The following ACSL1 variants were observed in gnomAD, a reference collection of about 807,000 sequenced individuals.
ACSL1 encodes acyl-CoA synthetase long chain family member 1.
Under a neutral mutation model 98.4 loss-of-function variants are expected in ACSL1, and 41 were observed. The observed-to-expected ratio is 0.42, with a 90% CI of 0.32 to 0.54. The LOEUF (loss-of-function observed/expected upper bound fraction) is 0.54. Ranked by LOEUF, ACSL1 falls within the 20% of genes least tolerant of loss-of-function variation. The pLI is 0.13. For synonymous variants in ACSL1, 316 were observed against 322.7 expected (o/e 0.98, Z 0.22); for missense variants, 734 against 883.1 (o/e 0.83, Z 2.14).
chr4:184,824,553 G>A (rs938336361), intron 1 of ACSL1, among the ~76,000 whole-genome samples: 14 of 152,160 alleles, frequency 9.2e-5, no homozygotes, highest in African/African-American at 3.1e-4. Context: ...GCAGAATTTG[G>A]ACTCGTGAAA....
Position 184,766,420 on chromosome 4 carries a change from A to T in ACSL1, c.1263+202T>A, listed in dbSNP as rs1436875200. 6.6e-6 allele frequency among the ~76,000 whole-genome samples: 1 copy of T among 152,226 alleles called. No individual in the cohort carries two copies. On this transcript the variant is annotated intron_variant, in intron 13 of 20. Coordinates refer to ENST00000281455, the MANE Select transcript of ACSL1 (RefSeq NM_001995.5). The surrounding 1 kb of genome is among the most constrained non-coding windows in gnomAD (Gnocchi z 4.8). ...CACTACCCTGACTCCTTTTCCCCCT[A>T]GATGGCTGCAATACTATTGATCTTA...
intron 1 of ACSL1, chr4:184,805,394 C>T (rs4862423): frequency 0.39 from 308,295 of 797,154 alleles, 59,101 homozygotes; most frequent in East Asian, 0.63. Context: ...AGTGTACTCA[C>T]TCACACACAC....
At chr4:184,807,254 TC>T (rs1177922328) in intron 1 of ACSL1, among the ~76,000 whole-genome samples, 1 of 152,240 alleles carries the variant, frequency 6.6e-6, no homozygotes, top group Admixed American at 6.5e-5. Context: ...TCTTTCAAAA[TC>T]AAATTTCCAT....
intron 2 of ACSL1, among the ~76,000 whole-genome samples, chr4:184,793,885 C>G (rs1768869321): frequency 6.6e-6 from 1 of 152,174 alleles, no homozygotes; most frequent in Non-Finnish European, 1.5e-5. Flanking sequence ...ATACCCAAAT[C>G]CAGATGCTCA....
At chr4:184,768,047 T>G (rs969902270) in intron 12 of ACSL1, 3 of 477,686 alleles carry the variant, frequency 6.3e-6, no homozygotes, top group African/African-American at 6.1e-5. Context: ...CTCAAAGTGT[T>G]TATTGTAAAA....
chr4:184,784,213 G>C (rs747837375), intron 3 of ACSL1, among the ~76,000 whole-genome samples: 2 of 152,106 alleles, frequency 1.3e-5, no homozygotes, highest in African/African-American at 4.8e-5. Flanking sequence ...GGGCAGGAGA[G>C]GGGGACAGAG....
intron 5 of ACSL1, among the ~76,000 whole-genome samples, chr4:184,780,038 AATTTTGT>A (rs1375961987): frequency 6.6e-6 from 1 of 151,946 alleles, no homozygotes; most frequent in Non-Finnish European, 1.5e-5. Context: ...AGGCCTGGCT[AATTTTGT>A]ATTTTTAGTA....
At chr4:184,805,619 G>T in intron 1 of ACSL1, 1 of 578,922 alleles carries the variant, frequency 1.7e-6, no homozygotes, top group Non-Finnish European at 2.2e-6. Context: ...GGTTAGCAGG[G>T]CTCAGCTGCG....
At chr4:184,820,021 C>A (rs1772934866) in intron 1 of ACSL1, among the ~76,000 whole-genome samples, 1 of 152,004 alleles carries the variant, frequency 6.6e-6, no homozygotes, top group Non-Finnish European at 1.5e-5. Context: ...ATACCGACGT[C>A]CAGCCATTCT....
chr4:184,797,471 G>A (rs993826959), intron 2 of ACSL1, among the ~76,000 whole-genome samples: 5 of 152,192 alleles, frequency 3.3e-5, no homozygotes, highest in Non-Finnish European at 7.3e-5. Context: ...CATGGATGAA[G>A]GATGCCAGTC....
At chr4:184,808,642 A>T (rs1771726629) in intron 1 of ACSL1, 1 of 294,206 alleles carries the variant, frequency 3.4e-6, no homozygotes, top group South Asian at 1.3e-4. Flanking sequence ...AGGGAGGAAC[A>T]AGAGAGCAGC....
chr4:184,808,573 T>C, intron 1 of ACSL1: 1 of 915,772 alleles, frequency 1.1e-6, no homozygotes, highest in Non-Finnish European at 1.3e-6. Context: ...CAATAGGCTA[T>C]TTACAGAGGC....
intron 11 of ACSL1, among the ~76,000 whole-genome samples, chr4:184,769,903 T>A (rs192112521): frequency 6.6e-6 from 1 of 152,350 alleles, no homozygotes; most frequent in African/African-American, 2.4e-5. Context: ...ATCATCCTCT[T>A]TCTCCAAGGG....
intron 1 of ACSL1, among the ~76,000 whole-genome samples, chr4:184,824,731 T>G (rs1338387692): frequency 6.6e-6 from 1 of 152,108 alleles, no homozygotes; most frequent in Admixed American, 6.5e-5. Flanking sequence ...GAGCAATGGT[T>G]CCTTAAAAAG....
chr4:184,795,771 T>C (rs962292706), intron 2 of ACSL1, among the ~76,000 whole-genome samples: 2 of 152,212 alleles, frequency 1.3e-5, no homozygotes, highest in East Asian at 1.9e-4. Context: ...GTAATGTAGA[T>C]TTGTAAGAAA....
At chr4:184,760,794 T>C (rs1341950350) in intron 17 of ACSL1, among the ~76,000 whole-genome samples, 1 of 152,210 alleles carries the variant, frequency 6.6e-6, no homozygotes, top group African/African-American at 2.4e-5. Context: ...TAGCAAGGCT[T>C]TGCTGGCTCA....
chr4:184,790,915 G>A (rs1440801726), intron 2 of ACSL1, among the ~76,000 whole-genome samples: 4 of 152,292 alleles, frequency 2.6e-5, no homozygotes, highest in South Asian at 4.1e-4. Flanking sequence ...AACCCATGAA[G>A]CCACCAAACA....
Position 184,764,791 on chromosome 4 carries a change from A to G in ACSL1, c.1432+62T>C, listed in dbSNP as rs889371709. ...ACCAGTCAGTGATTAACCCAATTCC[A>G]GACATACCAATAACCCAGTATGAAT... is the stretch of plus-strand genomic sequence containing the variant. On this transcript the variant is annotated intron_variant, in intron 15 of 20. Coordinates refer to ENST00000281455, the MANE Select transcript of ACSL1 (RefSeq NM_001995.5). The G allele has an allele frequency of 5.5e-6, 8 of 1,454,874 alleles. No homozygotes were observed. The African/African-American group carries it at 8.6e-5, about 16-fold the overall frequency. 90.1% of individuals were successfully genotyped at this position (1,454,874 alleles called of 1,614,324 possible).
intron 1 of ACSL1, among the ~76,000 whole-genome samples, chr4:184,810,700 G>T (rs1771969274): frequency 6.6e-6 from 1 of 152,118 alleles, no homozygotes; most frequent in African/African-American, 2.4e-5. Context: ...CATTAATCTG[G>T]AACAAACGAT....
Sources: gnomAD v4.1 joint callset for allele counts (sites outside exome capture counted in the v4.1 genomes callset) on GRCh38, gnomAD v4.1.1 for gene constraint, Gnocchi (gnomAD v3.1) non-coding constraint, MANE v1.5 for transcripts, NCBI Gene and HGNC (gene_info 2026-07-23, HGNC 2026-07-21) for gene names.